Variants in CHAF1B observed in about 807,000 individuals in gnomAD.
CHAF1B encodes chromatin assembly factor 1 subunit B, also known as CAF-1 subunit B.
In CHAF1B, 10 loss-of-function variants were observed where a neutral mutation model predicts 60.7. The observed-to-expected ratio is 0.16, with a 90% confidence interval of 0.10 to 0.28. CHAF1B has a LOEUF of 0.28. CHAF1B is among the 10% of genes least tolerant of loss of function. CHAF1B has a pLI of 1.00. For missense variants in CHAF1B, 558 were observed against 708.4 expected (o/e 0.79, Z 2.41); for synonymous variants, 261 against 266.1 (o/e 0.98, Z 0.19).
intron 11 of CHAF1B, 113 bp from the exon 12 acceptor site, chr21:36,412,771 T>C: frequency 1.1e-6 from 1 of 943,502 alleles, no homozygotes; most frequent in Non-Finnish European, 1.6e-6. Flanking sequence ...GTTGTATCTT[T>C]TCCCTGGTTT....
chr21:36,404,455 A>T lies in CHAF1B; in HGVS notation c.757+1604A>T, dbSNP rs528643607. Among the ~76,000 whole-genome samples the T allele has an allele frequency of 1.3e-4, 18 of 142,024 alleles. No homozygotes were observed. The South Asian group carries it at 3.8e-3, about 30-fold the overall frequency. The allele number at this position is 142,024 out of a possible 152,430, so 93.2% of individuals were successfully genotyped here. ...TATTTATTAATTTATTTATTTTGAGATGGAGTTTCGCTCTTGTTACCCAGG... is the reference window on the plus strand; with the variant it reads ...TATTTATTAATTTATTTATTTTGAGTTGGAGTTTCGCTCTTGTTACCCAGG... On this transcript the variant is annotated intron_variant, in intron 8 of 13. Transcript: ENST00000314103.
intron 10 of CHAF1B, among the ~76,000 whole-genome samples, 156 bp downstream of exon 10, chr21:36,409,621 C>A (rs966704219): frequency 2.6e-5 from 4 of 151,870 alleles, no homozygotes; most frequent in African/African-American, 2.4e-5. Flanking sequence ...ACATTTAAAT[C>A]TATTTATTTA....
intron 8 of CHAF1B, among the ~76,000 whole-genome samples, chr21:36,408,075 A>G (rs1019944177): frequency 5.9e-5 from 9 of 152,206 alleles, no homozygotes; most frequent in South Asian, 2.1e-4. Flanking sequence ...TGGATATGAA[A>G]CAGTCATATG....
intron 6 of CHAF1B, 23 bp downstream of exon 6, chr21:36,397,534 C>T: frequency 7.7e-7 from 1 of 1,293,578 alleles, no homozygotes; most frequent in Non-Finnish European, 1.1e-6. Context: ...TTGGCATTTA[C>T]TTGGAATTTC....
chr21:36,397,369 T>G, intron 5 of CHAF1B, 46 bp from the exon 6 acceptor site: 1 of 1,000,060 alleles, frequency 1.0e-6, no homozygotes, highest in Non-Finnish European at 1.5e-6. Flanking sequence ...CTCAAACAGG[T>G]TTTGGTAATG....
chr21:36,408,876 C>T lies in CHAF1B; in HGVS notation c.827+46C>T, dbSNP rs369515812. The T allele has an allele frequency of 6.4e-5, 88 of 1,379,232 alleles. No individual in the cohort carries two copies. The African/African-American group carries it at 8.7e-4, about 14-fold the overall frequency. 85.4% of individuals were successfully genotyped at this position (1,379,232 alleles called of 1,614,324 possible). A position where few individuals can be genotyped will look rare whatever the true frequency, so the allele number is the denominator to read the frequency against. On this transcript the variant is annotated intron_variant, in intron 9 of 13. Transcript: ENST00000314103. ...TTGAAATGTTTACATTTTTTTTAGACGGAGTTTCGCTCTTGTTGCCCAGGC... is the reference window on the plus strand; with the variant it reads ...TTGAAATGTTTACATTTTTTTTAGATGGAGTTTCGCTCTTGTTGCCCAGGC...
intron 3 of CHAF1B, among the ~76,000 whole-genome samples, chr21:36,389,800 T>TGTGTGTGC: frequency 2.4e-3 from 298 of 124,776 alleles, no homozygotes; most frequent in Middle Eastern, 4.1e-3. Context: ...TGTGTGTGTG[T>TGTGTGTGC]GCGCGCGCAC....
At chr21:36,398,642 G>A (rs997292607) in intron 6 of CHAF1B, among the ~76,000 whole-genome samples, 1 of 152,232 alleles carries the variant, frequency 6.6e-6, no homozygotes, top group African/African-American at 2.4e-5. Context: ...TTACAGGCGT[G>A]AGCCACCTCG....
Position 36,408,847 on chromosome 21 carries a change from A to G in CHAF1B, c.827+17A>G. On this transcript the variant is annotated intron_variant, in intron 9 of 13. Transcript: ENST00000314103. ...TCTTAAAAGGTATGCAGTCAAGGAA[A>G]TGTTTGAAATGTTTACATTTTTTTT... The G allele has an allele frequency of 6.5e-7, 1 of 1,541,128 alleles. No homozygotes were observed. The highest frequency in any genetic ancestry group is 1.4e-5 in the African/African-American group (1 of 73,608).
At chr21:36,405,203 A>G (rs1242413526) in intron 8 of CHAF1B, among the ~76,000 whole-genome samples, 1 of 152,246 alleles carries the variant, frequency 6.6e-6, no homozygotes, top group Non-Finnish European at 1.5e-5. Context: ...ATTGGAAAAG[A>G]ACAGATAAAA....
rs1250590861 is a variant in CHAF1B, at chr21:36,396,563, T to C, written c.482-852T>C. ...CTATAGTCCCAGCTACTAGGGCTGC[T>C]AAGTCTCTTGAGCCTGGGAAGTTGA... On this transcript the variant is annotated intron_variant, in intron 5 of 13. Coordinates refer to ENST00000314103, the MANE Select transcript of CHAF1B (RefSeq NM_005441.3). Among the ~76,000 whole-genome samples the C allele has an allele frequency of 2.0e-5, 3 of 150,704 alleles. No individual in the cohort carries two copies. In the East Asian group the frequency reaches 5.9e-4, roughly 30 times the overall value.
intron 9 of CHAF1B, among the ~76,000 whole-genome samples, 161 bp from the exon 10 acceptor site, chr21:36,409,213 C>A (rs146748600): frequency 4.6e-4 from 66 of 143,228 alleles, no homozygotes; most frequent in African/African-American, 1.6e-3. Flanking sequence ...GTTGGCCAGG[C>A]TGGTCTTGAA....
chr21:36,407,981 GAAAA>G (rs376520302), intron 8 of CHAF1B, among the ~76,000 whole-genome samples: 1 of 139,804 alleles, frequency 7.2e-6, no homozygotes, highest in Non-Finnish European at 1.6e-5. Flanking sequence ...CCATCTCAAA[GAAAA>G]AAAAAAGAGG....
intron 5 of CHAF1B, among the ~76,000 whole-genome samples, 185 bp downstream of exon 5, chr21:36,394,835 G>A (rs1446433248): frequency 1.3e-5 from 2 of 150,672 alleles, no homozygotes; most frequent in Middle Eastern, 3.4e-3. Context: ...AGATTCAAGC[G>A]ATCCTCCTGC....
intron 4 of CHAF1B, 49 bp from the exon 5 acceptor site, chr21:36,394,498 C>T: frequency 7.5e-7 from 1 of 1,325,860 alleles, no homozygotes; most frequent in South Asian, 1.2e-5. Context: ...GGGTAAGCTG[C>T]TATACCTGGG....
intron 7 of CHAF1B, among the ~76,000 whole-genome samples, chr21:36,400,110 G>A (rs1318638186): frequency 6.6e-6 from 1 of 152,178 alleles, no homozygotes; most frequent in African/African-American, 2.4e-5. Context: ...CTGGGAGGCG[G>A]AGGTCTTAGC....
chr21:36,388,068 C>T (rs1020009496), intron 3 of CHAF1B, among the ~76,000 whole-genome samples: 6 of 152,196 alleles, frequency 3.9e-5, no homozygotes, highest in African/African-American at 1.4e-4. Context: ...GGTGATCCAC[C>T]TGCCTCGGCC....
rs577091448 is a variant in CHAF1B, at chr21:36,394,770, C to T, written c.481+120C>T. Reference sequence around the variant, plus strand: ...TTTTTGAGACAGGATCTCACTCTGCCGCCCAGGCTGGAGTGCAGTGGTGCG... The same window carrying T: ...TTTTTGAGACAGGATCTCACTCTGCTGCCCAGGCTGGAGTGCAGTGGTGCG... On this transcript the variant is annotated intron_variant, in intron 5 of 13. Transcript: ENST00000314103. 173 of 622,222 alleles carry T rather than the reference C, an allele frequency of 2.8e-4. 2 individuals are homozygous for T. Among genetic ancestry groups the T allele is most frequent in the South Asian group, 2.8e-3 (141 of 51,070 alleles). The allele number at this position is 622,222 out of a possible 1,614,324, so 38.5% of individuals were successfully genotyped here.
intron 12 of CHAF1B, among the ~76,000 whole-genome samples, chr21:36,413,743 AC>A (rs2086296775): frequency 6.6e-6 from 1 of 152,042 alleles, no homozygotes; most frequent in Non-Finnish European, 1.5e-5. Context: ...CTCCTGAAAG[AC>A]CCATTTCAAT....
Sources: allele counts gnomAD v4.1 joint callset (sites outside exome capture counted in the v4.1 genomes callset), GRCh38; gene constraint gnomAD v4.1.1; transcripts MANE v1.5; gene names NCBI Gene and HGNC (gene_info 2026-07-23, HGNC 2026-07-21).